DNASE1: variants seen among roughly 807,000 people sequenced by gnomAD.
DNASE1 encodes deoxyribonuclease-1.
DNASE1 carries 40 observed loss-of-function variants against 33.9 expected under a neutral mutation model. The observed-to-expected ratio is 1.18, with a 90% confidence interval of 0.92 to 1.54. The LOEUF is 1.54. Ranked by LOEUF, DNASE1 falls within the 40% of genes most tolerant of loss-of-function variation. The pLI, the probability that DNASE1 is intolerant of heterozygous loss-of-function variation, is 0.00. For missense variants in DNASE1, 518 were observed against 372.6 expected, an observed-to-expected ratio of 1.39 and a Z score of -3.21; for synonymous variants, 216 against 160.0, an observed-to-expected ratio of 1.35 and a Z score of -2.64.
intron 1 of DNASE1, among the ~76,000 whole-genome samples, chr16:3,612,332 CCT>C (rs1188796712): frequency 1.3e-5 from 2 of 151,970 alleles, no homozygotes; most frequent in Non-Finnish European, 2.9e-5. Flanking sequence ...CTCACTGCAA[CCT>C]CTGTCTCCCG....
chr16:3,643,828 C>G (rs2042093141), intron 1 of DNASE1, among the ~76,000 whole-genome samples: 1 of 152,094 alleles, frequency 6.6e-6, no homozygotes, highest in South Asian at 2.1e-4. Context: ...GTGGCGCGAT[C>G]TCGGCTCACT....
chr16:3,633,388 C>T (rs925415463), intron 1 of DNASE1, among the ~76,000 whole-genome samples: 1 of 152,162 alleles, frequency 6.6e-6, no homozygotes, highest in Non-Finnish European at 1.5e-5. Context: ...GGGTGGATCA[C>T]CTGAGGTCAG....
intron 1 of DNASE1, among the ~76,000 whole-genome samples, chr16:3,632,786 A>G (rs1224884334): frequency 3.3e-5 from 5 of 152,042 alleles, no homozygotes; most frequent in Non-Finnish European, 7.4e-5. Flanking sequence ...GGGTTTTACC[A>G]TGTTGTCCAG....
intron 7 of DNASE1, 34 bp from the exon 8 acceptor site, chr16:3,657,686 G>C (rs2042775049): frequency 6.2e-7 from 1 of 1,612,624 alleles, no homozygotes; most frequent in Admixed American, 1.7e-5. Flanking sequence ...ATGTGTGAAA[G>C]GGGAACCTAC....
chr16:3,642,223 C>G (rs559481329), upstream of DNASE1, among the ~76,000 whole-genome samples: 2 of 152,328 alleles, frequency 1.3e-5, no homozygotes, highest in East Asian at 3.9e-4. Flanking sequence ...GAGTTCTCTG[C>G]TATCTGGCAG....
At chr16:3,645,689 G>A (rs907273860) in intron 1 of DNASE1, among the ~76,000 whole-genome samples, 1 of 152,200 alleles carries the variant, frequency 6.6e-6, no homozygotes, top group African/African-American at 2.4e-5. Flanking sequence ...TTGGGGAAGG[G>A]GCGGTCTGCT....
upstream of DNASE1, chr16:3,652,637 T>C (rs910758901): frequency 1.3e-5 from 2 of 152,168 alleles, no homozygotes; most frequent in African/African-American, 4.8e-5. Flanking sequence ...GACAGATGAG[T>C]GCACCAGTGC....
At position 3,657,806 on chromosome 16, in the gene DNASE1, G is replaced by A; in HGVS notation, c.791G>A (p.Ser264Asn). Residue 264 changes from serine (S) to asparagine (N), a missense_variant, in exon 8 of 9, where the codon AGT becomes AAT. By Grantham distance (46) the Ser-to-Asn change is conservative. Transcript: ENST00000246949. ...AACTTCCAGGCTGCCTATGGCCTGAGTGACCAACTGGTATGTGTCCTCCCT... is the reference window on the plus strand; with the variant it reads ...AACTTCCAGGCTGCCTATGGCCTGAATGACCAACTGGTATGTGTCCTCCCT... ...PFNFQAAYGL[S>N]DQLAQAISDH... is the part of the protein sequence containing the mutation. 1 of 1,613,860 alleles carries A rather than the reference G, an allele frequency of 6.2e-7. No homozygotes were observed. The highest frequency in any genetic ancestry group is 8.5e-7 in the Non-Finnish European group (1 of 1,179,920).
upstream of DNASE1, among the ~76,000 whole-genome samples, chr16:3,640,427 G>A (rs375838871): frequency 2.6e-5 from 4 of 152,150 alleles, no homozygotes; most frequent in Admixed American, 1.3e-4. Flanking sequence ...CCCTGCCTGC[G>A]CTGCAGCCTG....
Position 3,657,306 on chromosome 16 carries a change from C to T in DNASE1, c.669C>T (p.Asp223=), listed in dbSNP as rs142828788. Residue 223 remains aspartate (D), a synonymous_variant, in exon 7 of 9, where the codon GAC becomes GAT. Coordinates refer to ENST00000246949, the MANE Select transcript of DNASE1 (RefSeq NM_005223.4). ...TFQWLIPDSA[D]TTATPTHCAY... ...AGTGGCTGATCCCCGACAGCGCTGA[C>T]ACCACAGCTACACCCACGCACTGTG... 4 of 1,613,740 alleles carry T rather than the reference C, an allele frequency of 2.5e-6. No homozygotes were observed. Among genetic ancestry groups the T allele is most frequent in the Non-Finnish European group, 3.4e-6 (4 of 1,180,038 alleles).
intron 1 of DNASE1, among the ~76,000 whole-genome samples, chr16:3,633,105 T>G (rs2041750876): frequency 6.6e-6 from 1 of 152,236 alleles, no homozygotes; most frequent in Non-Finnish European, 1.5e-5. Flanking sequence ...TTGATGTATT[T>G]AGAACATTGA....
In DNASE1 at chr16:3,643,922, G is replaced by A. The variant is rs144545962; in HGVS notation, c.-86+886G>A. ...ACTACAGGCGCCCGCCATCATGCCC[G>A]GCTAATTTTTTTGTATTTTTAGTAG... On this transcript the variant is annotated intron_variant, in intron 1 of 9. Transcript: ENST00000407479. Among the ~76,000 whole-genome samples, 1,348 of 151,958 alleles carry A rather than the reference G, an allele frequency of 8.9e-3. 19 individuals carry two copies. The highest frequency in any genetic ancestry group is 0.03 in the African/African-American group (1,262 of 41,460).
At chr16:3,658,665 C>G (rs554499132), downstream of DNASE1, 1 of 905,938 alleles carries the variant, frequency 1.1e-6, no homozygotes, top group Admixed American at 2.4e-5. Flanking sequence ...GAGCAACACT[C>G]CATCTCAAAA....
Position 3,656,096 on chromosome 16 carries a change from A to G in DNASE1, c.237-6A>G, listed in dbSNP as rs761382125. The G allele has an allele frequency of 1.2e-5, 19 of 1,613,890 alleles. No individual in the cohort carries two copies. In the African/African-American group the frequency reaches 1.5e-4, roughly 12 times the overall value. On this transcript the variant is annotated splice_polypyrimidine_tract_variant and splice_region_variant and intron_variant, in intron 3 of 8. Transcript: ENST00000246949. ...GCCACTGGGACCTTTTGTTTCTTCA[A>G]TCCAGGGATGCACCAGACACCTATC...
chr16:3,631,206 G>C (rs577071791), intron 1 of DNASE1, among the ~76,000 whole-genome samples: 1 of 151,566 alleles, frequency 6.6e-6, no homozygotes, highest in African/African-American at 2.4e-5. Flanking sequence ...GGGTTTTTTT[G>C]TTGGTTTTGT....
chr16:3,655,303 G>C, intron 1 of DNASE1, 70 bp from the exon 2 acceptor site: 1 of 1,603,670 alleles, frequency 6.2e-7, no homozygotes, highest in Non-Finnish European at 8.5e-7. Context: ...CTGGGCTCCA[G>C]AAGGCTGGAG....
intron 1 of DNASE1, among the ~76,000 whole-genome samples, chr16:3,632,719 G>A (rs1361921057): frequency 6.6e-6 from 1 of 152,006 alleles, no homozygotes; most frequent in Non-Finnish European, 1.5e-5. Context: ...CTAAGTAGCT[G>A]AGATTACAGG....
At chr16:3,618,520 A>G (rs1365534916) in intron 1 of DNASE1, among the ~76,000 whole-genome samples, 4 of 152,232 alleles carry the variant, frequency 2.6e-5, no homozygotes, top group Non-Finnish European at 4.4e-5. Context: ...ACCTCTGGTC[A>G]GGAGTTTGAG....
intron 1 of DNASE1, among the ~76,000 whole-genome samples, chr16:3,626,900 C>T (rs763483825): frequency 1.3e-5 from 2 of 152,100 alleles, no homozygotes; most frequent in South Asian, 4.2e-4. Context: ...GAGACAGGGT[C>T]TTGCTATGTC....
Sources: allele counts gnomAD v4.1 joint callset (sites outside exome capture counted in the v4.1 genomes callset), GRCh38; gene constraint gnomAD v4.1.1; transcripts MANE v1.5; gene names NCBI Gene and HGNC (gene_info 2026-07-23, HGNC 2026-07-21).